Variants in MPP7 observed in about 807,000 individuals in gnomAD.
The protein encoded by MPP7 is MAGUK p55 subfamily member 7.
A neutral mutation model predicts 76.5 loss-of-function variants in MPP7; 60 were observed. The observed-to-expected ratio is 0.78, with a 90% confidence interval of 0.64 to 0.97. MPP7 has a LOEUF of 0.97. MPP7 is among the 50% of genes least tolerant of loss of function. The pLI, the probability that MPP7 is intolerant of heterozygous loss-of-function variation, is 0.00. For synonymous variants in MPP7, 237 were observed against 244.5 expected, an observed-to-expected ratio of 0.97 and a Z score of 0.29; for missense variants, 641 against 694.0, an observed-to-expected ratio of 0.92 and a Z score of 0.86.
chr10:28,233,717 C>CAA (rs752333257), intron 2 of MPP7, among the ~76,000 whole-genome samples: 23 of 73,352 alleles, frequency 3.1e-4, no homozygotes, highest in East Asian at 9.4e-4. Flanking sequence ...GACTCCGTCT[C>CAA]AAAAAAAAAA....
chr10:28,198,806 T>C (rs1411190710), intron 3 of MPP7, among the ~76,000 whole-genome samples: 4 of 152,150 alleles, frequency 2.6e-5, no homozygotes, highest in Non-Finnish European at 5.9e-5. Flanking sequence ...TGGTCCTGGA[T>C]ATTTGCAAGA....
At chr10:28,306,753 GTTGA>G (rs1841260752), upstream of MPP7, among the ~76,000 whole-genome samples, 1 of 151,862 alleles carries the variant, frequency 6.6e-6, no homozygotes, top group Non-Finnish European at 1.5e-5. Flanking sequence ...ATAATAGATC[GTTGA>G]TTGATAGATT....
chr10:28,287,514 T>G (rs1469294661), intron 1 of MPP7, among the ~76,000 whole-genome samples: 4 of 152,216 alleles, frequency 2.6e-5, no homozygotes, highest in Non-Finnish European at 5.9e-5. Context: ...TTGGTCTTTC[T>G]TTCATTTTGG....
At chr10:28,145,119 T>A (rs1309827460) in intron 5 of MPP7, among the ~76,000 whole-genome samples, 5 of 152,128 alleles carry the variant, frequency 3.3e-5, no homozygotes, top group Non-Finnish European at 7.4e-5. Context: ...TTCACTAAGT[T>A]GGCCAGGCTG....
intron 3 of MPP7, among the ~76,000 whole-genome samples, chr10:28,195,909 G>T (rs918802496): frequency 2.0e-5 from 3 of 152,162 alleles, no homozygotes; most frequent in African/African-American, 4.8e-5. Flanking sequence ...CCACTGAATT[G>T]TATGTTTTAA....
intron 5 of MPP7, among the ~76,000 whole-genome samples, chr10:28,136,911 A>C (rs1420342560): frequency 6.6e-6 from 1 of 152,200 alleles, no homozygotes; most frequent in Non-Finnish European, 1.5e-5. Flanking sequence ...TCTCCAAAGA[A>C]AGGGGGCAGT....
Position 28,120,672 on chromosome 10 carries a change from G to A in MPP7, c.616-4C>T, listed in dbSNP as rs752639971. 5.6e-6 allele frequency: 9 copies of A among 1,612,112 alleles called. No homozygotes were observed. The East Asian group carries it at 2.0e-4, about 36-fold the overall frequency. On this transcript the variant is annotated splice_polypyrimidine_tract_variant and splice_region_variant and intron_variant, in intron 8 of 16. Transcript: ENST00000683449. Reference sequence around the variant, plus strand: ...TAATTGCTCCCTGAGACTGAGCCTGGTAACAGATAAAACAAGGAGTTATAA... The same window carrying A: ...TAATTGCTCCCTGAGACTGAGCCTGATAACAGATAAAACAAGGAGTTATAA...
chr10:28,154,421 C>T (rs753363274), intron 3 of MPP7, among the ~76,000 whole-genome samples: 52 of 152,150 alleles, frequency 3.4e-4, no homozygotes, highest in Non-Finnish European at 3.5e-4. Context: ...CCATAGGAAT[C>T]GCTGGGAGCA....
intron 3 of MPP7, among the ~76,000 whole-genome samples, chr10:28,184,133 T>A (rs1588895316): frequency 6.7e-6 from 1 of 149,406 alleles, no homozygotes; most frequent in Admixed American, 6.7e-5. Flanking sequence ...AAGATATATA[T>A]CTTACATATA....
At chr10:28,197,281 C>T (rs1199461682) in intron 3 of MPP7, among the ~76,000 whole-genome samples, 1 of 150,308 alleles carries the variant, frequency 6.7e-6, no homozygotes, top group Non-Finnish European at 1.5e-5. Context: ...CTCCCAGGTT[C>T]AAGCAATTCT....
At chr10:28,179,688 A>G (rs954113742) in intron 3 of MPP7, among the ~76,000 whole-genome samples, 1 of 152,186 alleles carries the variant, frequency 6.6e-6, no homozygotes, top group Non-Finnish European at 1.5e-5. Flanking sequence ...CGAAGGAATG[A>G]GCACCACCTA....
At chr10:28,292,532 T>C (rs1351007239) in intron 1 of MPP7, among the ~76,000 whole-genome samples, 2 of 152,074 alleles carry the variant, frequency 1.3e-5, no homozygotes, top group Non-Finnish European at 2.9e-5. Flanking sequence ...TATAGATCAG[T>C]GTCACCAGAG....
intron 2 of MPP7, among the ~76,000 whole-genome samples, chr10:28,221,052 C>A (rs530727345): frequency 6.6e-6 from 1 of 152,048 alleles, no homozygotes; most frequent in South Asian, 2.1e-4. Flanking sequence ...AATAATGCAG[C>A]GGCTGAACTC....
At chr10:28,130,711 C>T (rs1295729468) in intron 6 of MPP7, among the ~76,000 whole-genome samples, 3 of 152,162 alleles carry the variant, frequency 2.0e-5, no homozygotes, top group South Asian at 4.1e-4. Flanking sequence ...TAACAAATGT[C>T]ATTTGACTGA....
chr10:28,269,140 C>T (rs1004239357), intron 1 of MPP7, among the ~76,000 whole-genome samples: 18 of 152,136 alleles, frequency 1.2e-4, no homozygotes, highest in African/African-American at 4.1e-4. Flanking sequence ...AAATACTTTA[C>T]GTCTCTAAAA....
intron 2 of MPP7, among the ~76,000 whole-genome samples, chr10:28,328,569 C>CTTTT (rs34544679): frequency 2.9e-5 from 4 of 136,572 alleles, no homozygotes; most frequent in African/African-American, 1.1e-4. Flanking sequence ...CTAGCAAGCA[C>CTTTT]TTTTTTTTTT....
upstream of MPP7, among the ~76,000 whole-genome samples, chr10:28,306,689 T>G (rs367677135): frequency 7.3e-5 from 4 of 54,620 alleles, no homozygotes; most frequent in South Asian, 5.1e-4. Flanking sequence ...AGAGAGATGA[T>G]AGATAATAGA....
chr10:28,084,097 A>T (rs908065362), intron 12 of MPP7, among the ~76,000 whole-genome samples: 6 of 152,228 alleles, frequency 3.9e-5, no homozygotes, highest in Non-Finnish European at 7.3e-5. Context: ...TAATCATAAC[A>T]AATCTGTTGA....
rs186810838 is a variant in MPP7 at position 28,150,055 on chromosome 10, T to A, written c.161A>T (p.His54Leu). The A allele has an allele frequency of 3.8e-5, 61 of 1,613,084 alleles. No individual in the cohort carries two copies. Among genetic ancestry groups the A allele is most frequent in the Admixed American group, 2.5e-4 (15 of 59,958 alleles). The change falls in exon 4 of 17, where the codon CAT becomes CTT. Residue 54 changes from histidine (H) to leucine (L), a missense_variant. His to Leu is a moderately conservative substitution (Grantham distance 99). Transcript: ENST00000683449. ...EKSLHSLVKI[H>L]EKLHYYEKQS... is the part of the protein sequence containing the mutation. ...CTTCTCATAGTAGTGTAGTTTTTCATGAATCTGGAAGAAAATCAAATGCAT... is the reference window on the plus strand; with the variant it reads ...CTTCTCATAGTAGTGTAGTTTTTCAAGAATCTGGAAGAAAATCAAATGCAT...
Sources: gnomAD v4.1 joint callset for allele counts (sites outside exome capture counted in the v4.1 genomes callset) on GRCh38, gnomAD v4.1.1 for gene constraint, MANE v1.5 for transcripts, NCBI Gene and HGNC (gene_info 2026-07-23, HGNC 2026-07-21) for gene names.